Variants in C9 observed in about 807,000 individuals in gnomAD.
C9 encodes the protein complement C9.
Under a neutral mutation model 65.4 loss-of-function variants are expected in C9, and 63 were observed. The ratio of observed to expected loss-of-function variants is 0.96; its 90% confidence interval spans 0.79 to 1.19. C9 has a LOEUF of 1.19. Among genes scored for constraint, C9 ranks in the 50% most tolerant of loss-of-function variants. C9 has a pLI of 0.00. For missense variants in C9, 744 were observed against 670.1 expected (o/e 1.11, Z -1.22); for synonymous variants, 229 against 227.9 (o/e 1.00, Z -0.04).
chr5:39,327,784 T>G (rs181416884), intron 5 of C9, among the ~76,000 whole-genome samples: 173 of 152,142 alleles, frequency 1.1e-3, no homozygotes, highest in Middle Eastern at 3.4e-3. Flanking sequence ...GAAGAATATA[T>G]AGAGAGAAAT....
At chr5:39,315,724 C>T in intron 6 of C9, 51 bp downstream of exon 6, 1 of 1,345,812 alleles carries the variant, frequency 7.4e-7, no homozygotes, top group Non-Finnish European at 1.1e-6. Context: ...CTTAAAGAGT[C>T]TGGGTAGTTT....
chr5:39,288,274 G>C (rs1030454576), intron 10 of C9, among the ~76,000 whole-genome samples: 2 of 151,630 alleles, frequency 1.3e-5, no homozygotes, highest in Non-Finnish European at 3.0e-5. Flanking sequence ...GGGGGGCGGG[G>C]ATGTGGTACA....
chr5:39,332,664 A>C (rs899552868), intron 4 of C9, among the ~76,000 whole-genome samples: 3 of 152,236 alleles, frequency 2.0e-5, no homozygotes, highest in Non-Finnish European at 2.9e-5. Flanking sequence ...TGAGGATCAA[A>C]TCTATAACTT....
In C9 at chr5:39,332,887, A is replaced by G. The variant is rs188905314; in HGVS notation, c.477-1073T>C. ...AGTTAAAAACAACATCTTTATATAA[A>G]TAGCACATTTTACATAAACTTTGAA... On this transcript the variant is annotated intron_variant, in intron 4 of 10. Coordinates refer to ENST00000263408, the MANE Select transcript of C9 (RefSeq NM_001737.5). Among the ~76,000 whole-genome samples, 410 of 152,360 alleles carry G rather than the reference A, an allele frequency of 2.7e-3. 2 individuals carry two copies. The highest frequency in any genetic ancestry group is 8.9e-3 in the African/African-American group (370 of 41,580).
intron 4 of C9, 114 bp downstream of exon 4, chr5:39,341,032 C>G: frequency 8.9e-7 from 1 of 1,122,466 alleles, no homozygotes; most frequent in Admixed American, 1.7e-5. Context: ...ACAGACCCAT[C>G]AGCTGTATCA....
In C9 at chr5:39,341,590, C is replaced by G; in HGVS notation, c.294G>C (p.Glu98Asp). Residue 98 changes from glutamate (E) to aspartate (D), a missense_variant, in exon 3 of 11, where the codon GAG becomes GAC. Transcript: ENST00000263408. ...ATTGAAAGTCATTTCCGCAGTCATCCTCAGCATCCTCACAGGGCTCTGTGG... is the reference window on the plus strand; with the variant it reads ...ATTGAAAGTCATTTCCGCAGTCATCGTCAGCATCCTCACAGGGCTCTGTGG... ...CVPTEPCEDA[E>D]DDCGNDFQCS... 2 of 1,614,118 alleles carry G rather than the reference C, an allele frequency of 1.2e-6. No homozygotes were observed. The highest frequency in any genetic ancestry group is 1.6e-4 in the Middle Eastern group (1 of 6,062).
intron 5 of C9, among the ~76,000 whole-genome samples, chr5:39,325,687 G>A (rs540192558): frequency 3.4e-5 from 5 of 146,196 alleles, no homozygotes; most frequent in South Asian, 2.1e-4. Context: ...CAGGAGAATC[G>A]TTTAAACCCT....
chr5:39,355,484 C>G (rs185565783), intron 1 of C9, among the ~76,000 whole-genome samples: 41 of 151,876 alleles, frequency 2.7e-4, no homozygotes, highest in African/African-American at 8.7e-4. Context: ...AAAAGTATGA[C>G]TCACGCTTGG....
intron 1 of C9, among the ~76,000 whole-genome samples, chr5:39,343,721 G>A (rs1754134891): frequency 6.6e-6 from 1 of 152,206 alleles, no homozygotes; most frequent in South Asian, 2.1e-4. Flanking sequence ...TGGACAGACT[G>A]CCTCCTCAAG....
intron 1 of C9, among the ~76,000 whole-genome samples, chr5:39,363,166 T>C (rs1754551797): frequency 6.6e-6 from 1 of 152,200 alleles, no homozygotes; most frequent in African/African-American, 2.4e-5. Context: ...GAACTGCCTT[T>C]CCAAATCCCT....
At chr5:39,285,289 T>G in intron 10 of C9, 56 bp from the exon 11 acceptor site, 2 of 1,397,210 alleles carry the variant, frequency 1.4e-6, no homozygotes, top group Non-Finnish European at 2.0e-6. Flanking sequence ...TTACTTTGGG[T>G]CCATCCACCC....
chr5:39,363,652 A>G (rs1036394454), intron 1 of C9, among the ~76,000 whole-genome samples: 12 of 152,192 alleles, frequency 7.9e-5, no homozygotes, highest in Admixed American at 5.2e-4. Flanking sequence ...TGACTCCAGG[A>G]TGGAAGGAAG....
chr5:39,342,299 T>C lies in C9; in HGVS notation c.78-103A>G, dbSNP rs1579871961. The C allele has an allele frequency of 2.2e-5, 15 of 681,142 alleles. No homozygotes were observed. In the East Asian group the frequency reaches 4.0e-4, roughly 18 times the overall value. 42.2% of individuals were successfully genotyped at this position (681,142 alleles called of 1,614,324 possible). ...ATTTTGTACTTTATCCCCTCTCAAA[T>C]TATACCACTTATCTTTTTACTATAT... On this transcript the variant is annotated intron_variant, in intron 1 of 10. Transcript: ENST00000263408.
chr5:39,296,866 T>C (rs1193182923), intron 9 of C9, among the ~76,000 whole-genome samples: 1 of 150,964 alleles, frequency 6.6e-6, no homozygotes, highest in Admixed American at 6.6e-5. Flanking sequence ...TTCTCTTATA[T>C]GTGGAAGCTA....
chr5:39,334,176 T>G lies in C9; in HGVS notation c.477-2362A>C, dbSNP rs537300439. ...CCACCTAGGAAGTGAGGAGCGCCTCTTCCCGGCCGCCATCCCATCTAGGAA... is the reference window on the plus strand; with the variant it reads ...CCACCTAGGAAGTGAGGAGCGCCTCGTCCCGGCCGCCATCCCATCTAGGAA... On this transcript the variant is annotated intron_variant, in intron 4 of 10. Transcript: ENST00000263408. 8.2e-3 allele frequency among the ~76,000 whole-genome samples: 1,242 copies of G among 150,844 alleles called. 51 individuals carry two copies. The highest frequency in any genetic ancestry group is 0.066 in the Admixed American group (1,010 of 15,198).
chr5:39,330,781 A>G (rs541331106), intron 5 of C9, among the ~76,000 whole-genome samples: 1 of 152,246 alleles, frequency 6.6e-6, no homozygotes, highest in Non-Finnish European at 1.5e-5. Context: ...TGCCAGTCAA[A>G]TGGTCAAGAT....
intron 1 of C9, among the ~76,000 whole-genome samples, chr5:39,346,015 A>G (rs898481227): frequency 6.6e-6 from 1 of 152,238 alleles, no homozygotes; most frequent in Non-Finnish European, 1.5e-5. Context: ...GGACACATTC[A>G]AAGGAGTGTG....
At position 39,362,239 on chromosome 5, in the gene C9, C is replaced by A. The variant is rs1754534645; in HGVS notation, c.77+2149G>T. On this transcript the variant is annotated intron_variant, in intron 1 of 10. Coordinates refer to ENST00000263408, the MANE Select transcript of C9 (RefSeq NM_001737.5). ...ACCTTATTTGGAAATAGGGTCTTTACAGAGGTAATCAAGTTAAAATGACAT... is the reference window on the plus strand; with the variant it reads ...ACCTTATTTGGAAATAGGGTCTTTAAAGAGGTAATCAAGTTAAAATGACAT... 2.6e-5 allele frequency among the ~76,000 whole-genome samples: 4 copies of A among 152,028 alleles called. No homozygotes were observed. The South Asian group carries it at 8.3e-4, about 32-fold the overall frequency.
At chr5:39,310,773 G>T (rs1432989591) in intron 7 of C9, among the ~76,000 whole-genome samples, 1 of 152,152 alleles carries the variant, frequency 6.6e-6, no homozygotes, top group African/African-American at 2.4e-5. Context: ...CTGTGATATA[G>T]AAATTGAACT....
Sources: gnomAD v4.1 joint callset for allele counts (sites outside exome capture counted in the v4.1 genomes callset) on GRCh38, gnomAD v4.1.1 for gene constraint, MANE v1.5 for transcripts, NCBI Gene and HGNC (gene_info 2026-07-23, HGNC 2026-07-21) for gene names.